Variants in SNX9 observed in about 807,000 individuals in gnomAD.
SNX9 encodes sorting nexin 9.
SNX9 carries 44 observed loss-of-function variants against 89.4 expected under a neutral mutation model. The observed-to-expected ratio is 0.49, with a 90% CI of 0.39 to 0.63. The LOEUF is 0.63. SNX9 is among the 30% of genes least tolerant of loss of function. The pLI, the probability that SNX9 is intolerant of heterozygous loss-of-function variation, is 0.00. For synonymous variants in SNX9, 236 were observed against 247.8 expected, an observed-to-expected ratio of 0.95 and a Z score of 0.45; for missense variants, 578 against 736.1, an observed-to-expected ratio of 0.79 and a Z score of 2.49.
intron 10 of SNX9, among the ~76,000 whole-genome samples, chr6:157,925,566 G>A (rs1783674799): frequency 6.6e-6 from 1 of 152,054 alleles, no homozygotes; most frequent in East Asian, 1.9e-4. Context: ...GTGGCTACCA[G>A]TAGTAGAATA....
At position 157,823,299 on chromosome 6, in the gene SNX9, G is replaced by A. The variant is rs947448422; in HGVS notation, c.-136G>A. 48 of 689,892 alleles carry A rather than the reference G, an allele frequency of 7.0e-5. No individual in the cohort carries two copies. The highest frequency in any genetic ancestry group is 8.6e-5 in the Non-Finnish European group (45 of 522,616). The allele number at this position is 689,892 out of a possible 1,614,324, so 42.7% of individuals were successfully genotyped here. A position where few individuals can be genotyped will look rare whatever the true frequency, so the allele number is the denominator to read the frequency against. Reference sequence around the variant, plus strand: ...CCTGAGCGTCGAGACTCGGGGCCGAGGCGGAGGAGCGGCCGCCGCGCCGGG... The same window carrying A: ...CCTGAGCGTCGAGACTCGGGGCCGAAGCGGAGGAGCGGCCGCCGCGCCGGG... On this transcript the variant is annotated 5_prime_UTR_variant, in exon 1 of 18. Transcript: ENST00000392185. This position sits in a 1 kb window ranked among gnomAD's most constrained non-coding sequence, Gnocchi z 4.6.
intron 12 of SNX9, 145 bp from the exon 13 acceptor site, chr6:157,932,050 A>G (rs910490756): frequency 7.8e-6 from 5 of 644,580 alleles, no homozygotes; most frequent in African/African-American, 5.5e-5. Flanking sequence ...TGAAAAAACA[A>G]TCACTTTTGC....
chr6:157,863,949 G>C (rs902094991), intron 1 of SNX9, among the ~76,000 whole-genome samples: 1 of 152,128 alleles, frequency 6.6e-6, no homozygotes, highest in Non-Finnish European at 1.5e-5. Flanking sequence ...TTTCTAAGAA[G>C]CATCTGTTTA....
At chr6:157,927,588 T>G (rs952945841) in intron 11 of SNX9, among the ~76,000 whole-genome samples, 2 of 152,210 alleles carry the variant, frequency 1.3e-5, no homozygotes, top group Non-Finnish European at 1.5e-5. Context: ...CTGCTTTTTC[T>G]GTATGCTTTT....
At chr6:157,920,236 T>C (rs1472612227) in intron 9 of SNX9, among the ~76,000 whole-genome samples, 1 of 152,234 alleles carries the variant, frequency 6.6e-6, no homozygotes, top group Non-Finnish European at 1.5e-5. Flanking sequence ...CAGGATTGTG[T>C]GCCTGGCTTG....
intron 14 of SNX9, among the ~76,000 whole-genome samples, chr6:157,937,184 C>T (rs992446569): frequency 5.3e-5 from 8 of 152,122 alleles, no homozygotes; most frequent in African/African-American, 1.7e-4. Flanking sequence ...TTTTGGGCCA[C>T]GTCAAAATAA....
intron 7 of SNX9, among the ~76,000 whole-genome samples, chr6:157,907,246 CAA>C (rs1166540647): frequency 3.3e-5 from 5 of 152,010 alleles, no homozygotes; most frequent in Non-Finnish European, 7.4e-5. Flanking sequence ...TCCTCAAAAT[CAA>C]GAGCGCACAG....
At chr6:157,858,359 G>A (rs1782054733) in intron 1 of SNX9, among the ~76,000 whole-genome samples, 1 of 151,320 alleles carries the variant, frequency 6.6e-6, no homozygotes, top group African/African-American at 2.4e-5. Flanking sequence ...TGATTCTCCT[G>A]CCTCAGCCTA....
At chr6:157,835,638 G>A (rs1781568418) in intron 1 of SNX9, among the ~76,000 whole-genome samples, 1 of 152,044 alleles carries the variant, frequency 6.6e-6, no homozygotes, top group Non-Finnish European at 1.5e-5. Context: ...CCAGGTGGAG[G>A]TAATTGAATC....
At chr6:157,828,930 A>G (rs753576761) in intron 1 of SNX9, among the ~76,000 whole-genome samples, 5 of 152,170 alleles carry the variant, frequency 3.3e-5, no homozygotes, top group African/African-American at 1.2e-4. Context: ...TGTCAGCCTC[A>G]AGAAGCTGAG....
At chr6:157,883,270 A>G (rs1782664958) in intron 4 of SNX9, among the ~76,000 whole-genome samples, 1 of 152,206 alleles carries the variant, frequency 6.6e-6, no homozygotes, top group Non-Finnish European at 1.5e-5. Flanking sequence ...GTATAGTGTA[A>G]CCATAACTGT....
At chr6:157,896,397 A>G (rs1206915228) in intron 4 of SNX9, among the ~76,000 whole-genome samples, 1 of 152,228 alleles carries the variant, frequency 6.6e-6, no homozygotes, top group Non-Finnish European at 1.5e-5. Context: ...AAAGAGATAC[A>G]TACAGTATGA....
chr6:157,936,553 C>G (rs6940527), intron 14 of SNX9, among the ~76,000 whole-genome samples: 32,945 of 152,092 alleles, frequency 0.22, 3,641 homozygotes, highest in Non-Finnish European at 0.23. Flanking sequence ...AGTATTGATG[C>G]CTCTGATCTG....
At chr6:157,882,577 A>G (rs1403904879) in intron 4 of SNX9, among the ~76,000 whole-genome samples, 1 of 152,258 alleles carries the variant, frequency 6.6e-6, no homozygotes, top group Non-Finnish European at 1.5e-5. Context: ...CATGAAGAAC[A>G]TTCATGATTC....
At chr6:157,942,713 G>A (rs929159746) in intron 17 of SNX9, 78 bp from the exon 18 acceptor site, 1 of 1,436,460 alleles carries the variant, frequency 7.0e-7, no homozygotes, top group Admixed American at 1.7e-5. Flanking sequence ...TTAACTTGTT[G>A]GAGTTGTGAA....
chr6:157,869,546 T>C (rs1194347422), intron 2 of SNX9, among the ~76,000 whole-genome samples: 1 of 152,168 alleles, frequency 6.6e-6, no homozygotes, highest in Admixed American at 6.5e-5. Flanking sequence ...CCCTAGAGTT[T>C]TACTCTGTCC....
chr6:157,942,791 A>G lies in SNX9; in HGVS notation c.1741A>G (p.Ile581Val). The change falls in exon 18 of 18, where the codon ATT becomes GTT. Residue 581 changes from isoleucine (I) to valine (V), a missense_variant and splice_region_variant. Transcript: ENST00000392185. ...LEQQVQFYET[I>V]AEKLRQALSR... ...TTGTTTTGTTTTGCTTTCTTGTCAG[A>G]TTGCAGAAAAGCTGAGGCAGGCCCT... 1.2e-6 allele frequency: 2 copies of G among 1,614,016 alleles called. No homozygotes were observed. The highest frequency in any genetic ancestry group is 1.7e-5 in the Admixed American group (1 of 60,016).
intron 1 of SNX9, among the ~76,000 whole-genome samples, chr6:157,848,534 A>G (rs749206356): frequency 3.3e-5 from 5 of 152,264 alleles, no homozygotes; most frequent in Non-Finnish European, 7.3e-5. Flanking sequence ...CAGTAAACCT[A>G]GATGAAGTGA....
intron 4 of SNX9, among the ~76,000 whole-genome samples, chr6:157,891,606 C>T (rs1201592872): frequency 1.3e-5 from 2 of 152,184 alleles, no homozygotes; most frequent in African/African-American, 4.8e-5. Flanking sequence ...TTATGCAAGG[C>T]ATTTGGAGAA....
Sources: gnomAD v4.1 joint callset for allele counts (sites outside exome capture counted in the v4.1 genomes callset) on GRCh38, gnomAD v4.1.1 for gene constraint, Gnocchi (gnomAD v3.1) non-coding constraint, MANE v1.5 for transcripts, NCBI Gene and HGNC (gene_info 2026-07-23, HGNC 2026-07-21) for gene names.